The following ANTXRL variants were observed in gnomAD, a reference collection of about 807,000 sequenced individuals.
ANTXRL encodes the protein anthrax toxin receptor-like.
A neutral mutation model predicts 75.4 loss-of-function variants in ANTXRL; 63 were observed. The observed-to-expected ratio is 0.84, with a 90% confidence interval of 0.68 to 1.03. The LOEUF is 1.03. ANTXRL is among the 50% of genes least tolerant of loss of function. ANTXRL has a pLI of 0.00. For missense variants in ANTXRL, 797 were observed against 789.4 expected, an observed-to-expected ratio of 1.01 and a Z score of -0.12; for synonymous variants, 335 against 291.3, an observed-to-expected ratio of 1.15 and a Z score of -1.53.
chr10:46,303,878 G>A (rs1554961172), intron 10 of ANTXRL, among the ~76,000 whole-genome samples: 1 of 152,018 alleles, frequency 6.6e-6, no homozygotes, highest in Non-Finnish European at 1.5e-5. Context: ...GATCTTCCCA[G>A]GTGGCCCCTT....
chr10:46,306,958 C>T, intron 11 of ANTXRL, 86 bp downstream of exon 11: 1 of 1,136,948 alleles, frequency 8.8e-7, no homozygotes, highest in Non-Finnish European at 1.2e-6. Flanking sequence ...GTGGATGCCC[C>T]CCACCCCCTG....
At chr10:46,323,359 T>C (rs1839068894) in intron 16 of ANTXRL, among the ~76,000 whole-genome samples, 1 of 152,188 alleles carries the variant, frequency 6.6e-6, no homozygotes, top group Non-Finnish European at 1.5e-5. Context: ...CTATTTCCAA[T>C]ACTGCACTTA....
chr10:46,287,294 TC>T lies in ANTXRL; in HGVS notation c.34del (p.Leu12TrpfsTer76). The T allele has an allele frequency of 3.3e-6, 5 of 1,535,904 alleles. No individual in the cohort carries two copies. Among genetic ancestry groups the T allele is most frequent in the Non-Finnish European group, 2.6e-6 (3 of 1,146,742 alleles). On this transcript the variant is annotated frameshift_variant, in exon 1 of 17. Transcript: ENST00000620264. LOFTEE classifies it high-confidence loss of function. MGSHESLGPYFLVFLLLLLLP... is the reference protein window; with the variant it reads MGSHESLGPYXLVFLLLLLLP... ...AGCCATGAGTCCCTGGGGCCCTACTTCCTGGTCTTCCTGCTGCTGCTGCTGC... is the reference window on the plus strand; with the variant it reads ...AGCCATGAGTCCCTGGGGCCCTACTTCTGGTCTTCCTGCTGCTGCTGCTGC...
At chr10:46,307,766 G>A (rs1249429541) in intron 12 of ANTXRL, among the ~76,000 whole-genome samples, 1 of 152,140 alleles carries the variant, frequency 6.6e-6, no homozygotes, top group Non-Finnish European at 1.5e-5. Flanking sequence ...TGCTGAACTG[G>A]TGCCCCAGCT....
At chr10:46,295,958 G>T in intron 3 of ANTXRL, 61 bp from the exon 4 acceptor site, 1 of 1,385,660 alleles carries the variant, frequency 7.2e-7, no homozygotes, top group South Asian at 1.2e-5. Flanking sequence ...GGAGAGCTTG[G>T]GAGCTGATTT....
chr10:46,315,118 G>A (rs572520361), intron 16 of ANTXRL, among the ~76,000 whole-genome samples: 5 of 152,322 alleles, frequency 3.3e-5, no homozygotes, highest in South Asian at 2.1e-4. Context: ...GCACTAAAGA[G>A]GATGCATCCC....
intron 16 of ANTXRL, among the ~76,000 whole-genome samples, chr10:46,324,346 G>T (rs112821088): frequency 9.8e-4 from 149 of 152,272 alleles, no homozygotes; most frequent in African/African-American, 3.5e-3. Flanking sequence ...GCTGAGCAGA[G>T]GTCTATTACC....
At chr10:46,315,777 AC>A (rs1357931088) in intron 16 of ANTXRL, among the ~76,000 whole-genome samples, 3 of 152,190 alleles carry the variant, frequency 2.0e-5, no homozygotes, top group Non-Finnish European at 4.4e-5. Flanking sequence ...GCAAATCCAA[AC>A]ATTTTTGCAT....
At chr10:46,310,272 G>A (rs1467055838) in intron 13 of ANTXRL, among the ~76,000 whole-genome samples, 189 bp from the exon 14 acceptor site, 2 of 152,102 alleles carry the variant, frequency 1.3e-5, no homozygotes, top group African/African-American at 2.4e-5. Context: ...CTTTGGTAAG[G>A]TTGGAGGCTG....
chr10:46,296,197 A>C, intron 4 of ANTXRL, 22 bp from the exon 5 acceptor site: 1 of 1,535,862 alleles, frequency 6.5e-7, no homozygotes, highest in Non-Finnish European at 8.7e-7. Context: ...TCCAGGCTCA[A>C]TATTTCTTCA....
chr10:46,309,250 C>G (rs1838281958), intron 13 of ANTXRL, 48 bp downstream of exon 13: 1 of 1,532,484 alleles, frequency 6.5e-7, no homozygotes, highest in Non-Finnish European at 8.7e-7. Context: ...CACAGGCCCA[C>G]CCTCTGAGGG....
intron 12 of ANTXRL, among the ~76,000 whole-genome samples, chr10:46,308,282 A>G (rs1838211431): frequency 1.3e-5 from 2 of 152,022 alleles, no homozygotes; most frequent in South Asian, 2.1e-4. Flanking sequence ...TGATGGCCCA[A>G]CTGTGACAGA....
At chr10:46,315,768 C>A (rs551492886) in intron 16 of ANTXRL, among the ~76,000 whole-genome samples, 7 of 152,148 alleles carry the variant, frequency 4.6e-5, no homozygotes, top group Non-Finnish European at 7.3e-5. Context: ...ATTGTTTCAG[C>A]AAATCCAAAC....
intron 16 of ANTXRL, among the ~76,000 whole-genome samples, chr10:46,320,126 T>C (rs1229667329): frequency 6.6e-6 from 1 of 152,302 alleles, no homozygotes; most frequent in African/African-American, 2.4e-5. Context: ...TGATAGGTCC[T>C]GTGATCAGAA....
At chr10:46,295,994 A>G in intron 3 of ANTXRL, 25 bp from the exon 4 acceptor site, 1 of 1,526,808 alleles carries the variant, frequency 6.5e-7, no homozygotes, top group South Asian at 1.2e-5. Flanking sequence ...TTTCCAGGTC[A>G]ACCACCTTTT....
intron 9 of ANTXRL, 66 bp downstream of exon 9, chr10:46,298,128 T>G (rs1448774031): frequency 8.7e-7 from 1 of 1,149,384 alleles, no homozygotes; most frequent in African/African-American, 1.5e-5. Context: ...GTGTATGGAG[T>G]GTGTGCATTT....
Position 46,287,470 on chromosome 10 carries a change from A to G in ANTXRL, c.208A>G (p.Arg70Gly). Residue 70 changes from arginine (R) to glycine (G), a missense_variant, in exon 1 of 17, where the codon AGA (arginine) becomes GGA (glycine). Arg to Gly is a moderately radical substitution (Grantham distance 125). Around this residue, in one of 3 missense-constraint regions of ANTXRL, gnomAD observed 262 missense variants for 271.9 expected, o/e 0.96. Coordinates refer to ENST00000620264, the MANE Select transcript of ANTXRL (RefSeq NM_001278688.3). ...QHWRQGQAGH[R>G]CQGSFDLYFI... ...CTGGCGCCAGGGGCAAGCAGGTCAC[A>G]GATGCCAGGGCTCATTTGACCTCTA... 1 of 1,535,826 alleles carries G rather than the reference A, an allele frequency of 6.5e-7. No homozygotes were observed. The highest frequency in any genetic ancestry group is 8.7e-7 in the Non-Finnish European group (1 of 1,146,732).
chr10:46,287,612 A>G, intron 1 of ANTXRL, 102 bp downstream of exon 1: 4 of 1,431,856 alleles, frequency 2.8e-6, no homozygotes, highest in Non-Finnish European at 3.7e-6. Flanking sequence ...AGCTTCCGTC[A>G]CAGAAGCAGG....
intron 16 of ANTXRL, among the ~76,000 whole-genome samples, chr10:46,318,873 A>C (rs529331978): frequency 5.5e-4 from 83 of 152,166 alleles, no homozygotes; most frequent in Non-Finnish European, 6.0e-4. Context: ...ACAGACTCAG[A>C]GAGTTTCCAG....
Sources: gnomAD v4.1 joint callset for allele counts (sites outside exome capture counted in the v4.1 genomes callset) on GRCh38, gnomAD v4.1.1 for gene constraint, gnomAD v4.1.1 regional missense constraint, MANE v1.5 for transcripts, NCBI Gene and HGNC (gene_info 2026-07-23, HGNC 2026-07-21) for gene names.